The following TTC1 variants were observed in gnomAD, a reference collection of about 807,000 sequenced individuals.
TTC1 encodes the protein tetratricopeptide repeat protein 1.
In TTC1, 31 loss-of-function variants were observed where a neutral mutation model predicts 37.6. The ratio of observed to expected loss-of-function variants is 0.82; its 90% CI spans 0.62 to 1.11. TTC1 has a LOEUF of 1.11. TTC1 is among the 50% of genes most tolerant of loss of function. The pLI, the probability that TTC1 is intolerant of heterozygous loss-of-function variation, is 0.00. For missense variants in TTC1, 351 were observed against 339.0 expected (o/e 1.04, Z -0.28); for synonymous variants, 127 against 122.4 (o/e 1.04, Z -0.25).
chr5:160,031,040 T>C (rs146116109), intron 2 of TTC1, among the ~76,000 whole-genome samples: 1 of 152,284 alleles, frequency 6.6e-6, no homozygotes, highest in East Asian at 1.9e-4. Context: ...TATTGTACTA[T>C]ATACCTGTCA....
intron 7 of TTC1, among the ~76,000 whole-genome samples, chr5:160,053,516 A>G (rs1033826334): frequency 1.3e-5 from 2 of 152,302 alleles, no homozygotes; most frequent in African/African-American, 2.4e-5. Flanking sequence ...GTGAGCCACA[A>G]TGATGCCACT....
intron 2 of TTC1, chr5:160,024,068 T>A: frequency 9.3e-7 from 1 of 1,077,824 alleles, no homozygotes; most frequent in Non-Finnish European, 1.4e-6. Context: ...GGTTAGCATG[T>A]AAGTGTGGGG....
At chr5:160,045,965 ACTC>A (rs1473885560) in intron 5 of TTC1, among the ~76,000 whole-genome samples, 1 of 151,226 alleles carries the variant, frequency 6.6e-6, no homozygotes, top group African/African-American at 2.4e-5. Flanking sequence ...CTGCTCTCGA[ACTC>A]CTGACCTCGT....
intron 7 of TTC1, among the ~76,000 whole-genome samples, chr5:160,061,453 T>C (rs1753394138): frequency 6.6e-6 from 1 of 152,248 alleles, no homozygotes; most frequent in South Asian, 2.1e-4. Context: ...GTATAGACCA[T>C]GTCATGTATC....
At chr5:160,015,436 G>A (rs1249083927) in intron 2 of TTC1, among the ~76,000 whole-genome samples, 3 of 152,112 alleles carry the variant, frequency 2.0e-5, no homozygotes, top group African/African-American at 4.8e-5. Flanking sequence ...CGAACTCCTG[G>A]ACTCAAGCAA....
chr5:160,029,480 A>C (rs1205018207), intron 2 of TTC1, among the ~76,000 whole-genome samples: 2 of 133,536 alleles, frequency 1.5e-5, no homozygotes, highest in Non-Finnish European at 3.1e-5. Flanking sequence ...CCCCATCTCT[A>C]CAAAAAAAAA....
In TTC1 at chr5:160,051,087, T is replaced by G. The variant is rs573315142; in HGVS notation, c.691-42T>G. 8.3e-4 allele frequency: 1,263 copies of G among 1,529,896 alleles called. 9 individuals carry two copies. The African/African-American group carries it at 0.016, about 19-fold the overall frequency. The allele number at this position is 1,529,896 out of a possible 1,614,324, so 94.8% of individuals were successfully genotyped here. On this transcript the variant is annotated intron_variant, in intron 6 of 7. Transcript: ENST00000231238. ...AAATAAAGGGAAAGGTTTTGGTTTT[T>G]TTTTTTTTTTTACCAACCCTTGTTT...
intron 2 of TTC1, among the ~76,000 whole-genome samples, chr5:160,027,592 T>C (rs943383434): frequency 6.6e-6 from 1 of 152,210 alleles, no homozygotes; most frequent in Admixed American, 6.5e-5. Context: ...CCTCCTGTGG[T>C]TTTGAGTGAC....
rs1757398086 is a variant in TTC1 at position 160,051,273 on chromosome 5, GA to G, written c.745+93del. On this transcript the variant is annotated intron_variant, in intron 7 of 7. Coordinates refer to ENST00000231238, the MANE Select transcript of TTC1 (RefSeq NM_003314.3). ...ATACTAGAGGAGAACACATGAGTTA[GA>G]AAGTTTCGGACTCTACCACAAGGCT... 15 of 1,048,902 alleles carry G rather than the reference GA, an allele frequency of 1.4e-5. No individual in the cohort carries two copies. The South Asian group carries it at 2.2e-4, about 15-fold the overall frequency. 65.0% of individuals were successfully genotyped at this position (1,048,902 alleles called of 1,614,324 possible). A position where few individuals can be genotyped will look rare whatever the true frequency, so the allele number is the denominator to read the frequency against.
intron 7 of TTC1, among the ~76,000 whole-genome samples, chr5:160,063,050 G>A (rs1753476841): frequency 1.3e-5 from 2 of 152,196 alleles, no homozygotes; most frequent in South Asian, 4.1e-4. Context: ...CCCAGGTTTA[G>A]GTTTGGGAGG....
chr5:160,062,249 T>A (rs1753438771), intron 7 of TTC1, among the ~76,000 whole-genome samples: 1 of 152,212 alleles, frequency 6.6e-6, no homozygotes, highest in South Asian at 2.1e-4. Flanking sequence ...AGTTTGAATA[T>A]TTGCAGTCTT....
intron 2 of TTC1, among the ~76,000 whole-genome samples, chr5:160,029,472 C>T (rs1024425896): frequency 7.2e-6 from 1 of 138,994 alleles, no homozygotes; most frequent in African/African-American, 2.8e-5. Flanking sequence ...TGAGACCCCC[C>T]CATCTCTACA....
In TTC1 at chr5:160,064,968, C is replaced by G; in HGVS notation, c.782C>G (p.Pro261Arg). ...GATCTTGGGAACTTGGTTCTCCGAC[C>G]TTTTGGGCTCTCCACGGAAAATTTC... is the stretch of plus-strand genomic sequence containing the variant. The part of the protein sequence containing the change: ...LKDLGNLVLR[P>R]FGLSTENFQI... The change falls in exon 8 of 8, where the codon CCT becomes CGT. Residue 261 changes from proline to arginine, a missense_variant. By Grantham distance (103) the Pro-to-Arg change is moderately radical (BLOSUM62 -2). Coordinates refer to ENST00000231238, the MANE Select transcript of TTC1 (RefSeq NM_003314.3). The G allele has an allele frequency of 1.2e-6, 2 of 1,613,920 alleles. No homozygotes were observed. The highest frequency in any genetic ancestry group is 1.7e-6 in the Non-Finnish European group (2 of 1,180,014).
intron 7 of TTC1, among the ~76,000 whole-genome samples, chr5:160,051,659 A>G (rs772458058): frequency 3.4e-4 from 51 of 152,224 alleles, no homozygotes; most frequent in Non-Finnish European, 4.7e-4. Flanking sequence ...AGGAGTAAAG[A>G]GAAATCAGAC....
chr5:160,011,669 C>T (rs1756504401), intron 2 of TTC1, among the ~76,000 whole-genome samples: 1 of 152,254 alleles, frequency 6.6e-6, no homozygotes, highest in Non-Finnish European at 1.5e-5. Flanking sequence ...CCTGGGGCCA[C>T]ACCCTTAACT....
chr5:160,043,248 C>A, intron 5 of TTC1, 79 bp downstream of exon 5: 1 of 1,494,274 alleles, frequency 6.7e-7, no homozygotes, highest in Non-Finnish European at 9.2e-7. Context: ...CAGGTGTGCA[C>A]TTGTACATGT....
At chr5:160,027,928 G>C (rs975168912) in intron 2 of TTC1, among the ~76,000 whole-genome samples, 1 of 152,064 alleles carries the variant, frequency 6.6e-6, no homozygotes, top group Non-Finnish European at 1.5e-5. Flanking sequence ...TTCAGATGTA[G>C]ATCTTCTATT....
chr5:160,051,309 T>A, intron 7 of TTC1, 126 bp downstream of exon 7: 1 of 692,772 alleles, frequency 1.4e-6, no homozygotes, highest in Non-Finnish European at 2.3e-6. Context: ...TACTGACTTC[T>A]GAGTTATTTT....
At chr5:160,034,809 G>T (rs949835700) in intron 2 of TTC1, among the ~76,000 whole-genome samples, 6 of 152,022 alleles carry the variant, frequency 3.9e-5, no homozygotes. Context: ...CACACCAGTG[G>T]GTATGTTATT....
Sources: allele counts gnomAD v4.1 joint callset (sites outside exome capture counted in the v4.1 genomes callset), GRCh38; gene constraint gnomAD v4.1.1; transcripts MANE v1.5; gene names NCBI Gene and HGNC (gene_info 2026-07-23, HGNC 2026-07-21).